The following PHACTR4 variants were observed in gnomAD, a reference collection of about 807,000 sequenced individuals.
PHACTR4 encodes the protein phosphatase and actin regulator 4.
Under a neutral mutation model 72.7 loss-of-function variants are expected in PHACTR4, and 51 were observed. The ratio of observed to expected loss-of-function variants is 0.70; its 90% CI spans 0.56 to 0.89. PHACTR4 has a LOEUF of 0.89. Ranked by LOEUF, PHACTR4 falls within the 40% of genes least tolerant of loss-of-function variation. PHACTR4 has a pLI of 0.00. For missense variants in PHACTR4, 731 were observed against 861.8 expected (o/e 0.85, Z 1.90); for synonymous variants, 255 against 302.5 (o/e 0.84, Z 1.63).
intron 2 of PHACTR4, among the ~76,000 whole-genome samples, chr1:28,456,926 GATAGATAGA>G (rs1358135278): frequency 1.8e-5 from 2 of 111,870 alleles, no homozygotes; most frequent in African/African-American, 1.0e-4. Flanking sequence ...CAGATAGATA[GATAGATAGA>G]TAGATAGATA....
intron 2 of PHACTR4, among the ~76,000 whole-genome samples, chr1:28,431,508 T>G (rs1030958846): frequency 2.0e-5 from 3 of 151,804 alleles, no homozygotes; most frequent in African/African-American, 4.8e-5. Context: ...ATACAATTTT[T>G]ATAGTGAATT....
intron 9 of PHACTR4, among the ~76,000 whole-genome samples, chr1:28,487,468 C>T (rs902905773): frequency 1.4e-4 from 20 of 146,974 alleles, no homozygotes; most frequent in African/African-American, 3.2e-4. Flanking sequence ...GAGCTGTGAT[C>T]GCACCACTGC....
intron 7 of PHACTR4, among the ~76,000 whole-genome samples, chr1:28,475,451 T>G (rs1203465491): frequency 6.6e-6 from 1 of 152,176 alleles, no homozygotes; most frequent in Non-Finnish European, 1.5e-5. Flanking sequence ...ACTACCACTC[T>G]TAGCTTATAG....
chr1:28,479,233 C>T (rs1399731366), intron 8 of PHACTR4, among the ~76,000 whole-genome samples: 1 of 151,378 alleles, frequency 6.6e-6, no homozygotes, highest in East Asian at 2.0e-4. Flanking sequence ...TCAGCCTGGC[C>T]AATGTGGTGA....
At chr1:28,435,556 C>T (rs1315313601) in intron 2 of PHACTR4, among the ~76,000 whole-genome samples, 1 of 152,188 alleles carries the variant, frequency 6.6e-6, no homozygotes, top group African/African-American at 2.4e-5. Context: ...TGAGCCACCA[C>T]GTCCAGCCTT....
chr1:28,375,895 C>A (rs1651619613), intron 1 of PHACTR4, among the ~76,000 whole-genome samples: 1 of 152,024 alleles, frequency 6.6e-6, no homozygotes, highest in Admixed American at 6.6e-5. Context: ...CATGGAGAAA[C>A]CCCGTCTCTA....
chr1:28,455,419 ACTC>A (rs1426267210), intron 2 of PHACTR4, among the ~76,000 whole-genome samples: 2 of 131,900 alleles, frequency 1.5e-5, no homozygotes, highest in Non-Finnish European at 3.3e-5. Flanking sequence ...CTGGTCTCAA[ACTC>A]CTGATCTCAG....
At chr1:28,481,356 T>C (rs1193566569) in intron 9 of PHACTR4, 1 of 152,136 alleles carries the variant, frequency 6.6e-6, no homozygotes, top group Non-Finnish European at 1.5e-5. Context: ...AAAAAATACA[T>C]ATTGGGTTTT....
intron 2 of PHACTR4, among the ~76,000 whole-genome samples, chr1:28,427,794 T>C (rs2124364697): frequency 6.6e-6 from 1 of 152,272 alleles, no homozygotes; most frequent in Admixed American, 6.5e-5. Context: ...CACTGCTGTG[T>C]CCCAACACCT....
intron 8 of PHACTR4, among the ~76,000 whole-genome samples, chr1:28,479,943 A>T (rs1207623787): frequency 6.6e-6 from 1 of 152,208 alleles, no homozygotes; most frequent in African/African-American, 2.4e-5. Flanking sequence ...AGTAGAGGAA[A>T]GGTGGCACAT....
chr1:28,409,481 T>C (rs1241389161), intron 2 of PHACTR4, among the ~76,000 whole-genome samples: 2 of 152,172 alleles, frequency 1.3e-5, no homozygotes, highest in East Asian at 3.8e-4. Flanking sequence ...GGAAGTACTT[T>C]TCATTTTAAA....
intron 8 of PHACTR4, among the ~76,000 whole-genome samples, chr1:28,478,408 A>C (rs1193962546): frequency 1.3e-5 from 2 of 152,068 alleles, no homozygotes; most frequent in Non-Finnish European, 2.9e-5. Flanking sequence ...TGTACCCAAC[A>C]GTGGGATTGC....
At chr1:28,408,831 A>G (rs1291396442) in intron 2 of PHACTR4, among the ~76,000 whole-genome samples, 2 of 144,050 alleles carry the variant, frequency 1.4e-5, no homozygotes, top group African/African-American at 2.6e-5. Flanking sequence ...GTGCACCCCT[A>G]TGCCCGACTG....
intron 8 of PHACTR4, among the ~76,000 whole-genome samples, chr1:28,479,934 G>A (rs1439141588): frequency 6.6e-6 from 1 of 152,074 alleles, no homozygotes; most frequent in Non-Finnish European, 1.5e-5. Context: ...ACAATATGGA[G>A]TAGAGGAAAG....
chr1:28,403,016 G>A (rs756347905), intron 1 of PHACTR4, among the ~76,000 whole-genome samples: 1 of 152,208 alleles, frequency 6.6e-6, no homozygotes, highest in Admixed American at 6.5e-5. Context: ...TGAAAATTGC[G>A]ATCTGTGATT....
At chr1:28,399,150 A>G (rs1653756873) in intron 1 of PHACTR4, among the ~76,000 whole-genome samples, 1 of 151,968 alleles carries the variant, frequency 6.6e-6, no homozygotes, top group Non-Finnish European at 1.5e-5. Flanking sequence ...CATCTCTACT[A>G]AAAATACAAA....
chr1:28,459,395 CTTT>C (rs367934288), intron 3 of PHACTR4, 137 bp downstream of exon 3: 11,223 of 277,088 alleles, frequency 0.041, 1 homozygote, highest in South Asian at 0.058. Flanking sequence ...TTTCCTTCTT[CTTT>C]TTTTTTTTTT....
chr1:28,488,341 C>A (rs1460389147), intron 9 of PHACTR4, among the ~76,000 whole-genome samples: 1 of 151,436 alleles, frequency 6.6e-6, no homozygotes, highest in Non-Finnish European at 1.5e-5. Flanking sequence ...ACTAAAAATA[C>A]AAAAAATTAG....
intron 1 of PHACTR4, among the ~76,000 whole-genome samples, chr1:28,396,680 C>G (rs1653526590): frequency 6.9e-6 from 1 of 145,684 alleles, no homozygotes; most frequent in South Asian, 2.2e-4. Flanking sequence ...TTTTTTGAGA[C>G]GGTGTTTTGT....
Sources: allele counts gnomAD v4.1 joint callset (sites outside exome capture counted in the v4.1 genomes callset), GRCh38; gene constraint gnomAD v4.1.1; transcripts MANE v1.5; gene names NCBI Gene and HGNC (gene_info 2026-07-23, HGNC 2026-07-21).